MGAT4C: variants seen among roughly 807,000 people sequenced by gnomAD.
MGAT4C encodes the protein MGAT4 family member C, also known as alpha-1,3-mannosyl-glycoprotein 4-beta-N-acetylglucosaminyltransferase C.
In MGAT4C, 19 loss-of-function variants were observed where a neutral mutation model predicts 40.1. That is an observed-to-expected ratio of 0.47 (90% CI 0.33 to 0.70). The LOEUF (loss-of-function observed/expected upper bound fraction) is 0.70. MGAT4C is among the 30% of genes least tolerant of loss of function. MGAT4C has a pLI of 0.02. For missense variants in MGAT4C, 491 were observed against 563.2 expected (o/e 0.87, Z 1.30); for synonymous variants, 181 against 187.1 (o/e 0.97, Z 0.27).
chr12:86,316,528 G>A lies in MGAT4C; in HGVS notation c.-57+17537C>T, dbSNP rs538695732. 3.3e-5 allele frequency among the ~76,000 whole-genome samples: 5 copies of A among 152,232 alleles called. No homozygotes were observed. The South Asian group carries it at 1.0e-3, about 32-fold the overall frequency. On this transcript the variant is annotated intron_variant, in intron 4 of 7. Coordinates refer to the MGAT4C transcript ENST00000548651. ...GGTACACATACACCATGGGACACTA[G>A]GCAGCCATAGGAAAGAATGAGATCA...
intron 1 of MGAT4C, among the ~76,000 whole-genome samples, chr12:86,238,123 C>CA (rs570072895): frequency 1.3e-5 from 2 of 151,114 alleles, no homozygotes; most frequent in South Asian, 2.1e-4. Flanking sequence ...ATTAGGAAGT[C>CA]AAAAAAAATG....
intron 2 of MGAT4C, among the ~76,000 whole-genome samples, chr12:85,998,577 C>T (rs961048328): frequency 6.6e-6 from 1 of 152,182 alleles, no homozygotes; most frequent in African/African-American, 2.4e-5. Flanking sequence ...ACTAGATACA[C>T]TAAATCATCT....
intron 1 of MGAT4C, among the ~76,000 whole-genome samples, chr12:86,756,135 A>C (rs1951300898): frequency 6.6e-6 from 1 of 152,148 alleles, no homozygotes; most frequent in African/African-American, 2.4e-5. Flanking sequence ...TTTATTTCTC[A>C]CAGTTCCAGA....
chr12:86,371,994 A>T (rs1955723974), intron 3 of MGAT4C, among the ~76,000 whole-genome samples: 1 of 151,876 alleles, frequency 6.6e-6, no homozygotes. Context: ...CTTCAAAGTT[A>T]ATGAAGATTT....
At chr12:86,143,146 G>T (rs1055253574) in intron 1 of MGAT4C, among the ~76,000 whole-genome samples, 2 of 152,172 alleles carry the variant, frequency 1.3e-5, no homozygotes, top group African/African-American at 4.8e-5. Flanking sequence ...AAGCCACCCA[G>T]TTTATGGTAT....
intron 2 of MGAT4C, among the ~76,000 whole-genome samples, chr12:86,664,364 C>T (rs1292849247): frequency 6.6e-6 from 1 of 151,564 alleles, no homozygotes; most frequent in Non-Finnish European, 1.5e-5. Context: ...TTTGAAAGCT[C>T]AAAAAAATGA....
intron 2 of MGAT4C, among the ~76,000 whole-genome samples, chr12:86,630,592 T>A (rs1462444892): frequency 1.3e-5 from 2 of 151,786 alleles, no homozygotes; most frequent in Non-Finnish European, 2.9e-5. Flanking sequence ...GCAAGGCTGG[T>A]TCAACATATG....
intron 2 of MGAT4C, among the ~76,000 whole-genome samples, chr12:86,512,530 AATTGTCC>A (rs1337514321): frequency 6.6e-6 from 1 of 152,106 alleles, no homozygotes; most frequent in Non-Finnish European, 1.5e-5. Flanking sequence ...GGAAATTTTT[AATTGTCC>A]ATTGATGTAT....
intron 2 of MGAT4C, among the ~76,000 whole-genome samples, chr12:86,047,911 A>T (rs2136958705): frequency 6.7e-6 from 1 of 149,026 alleles, no homozygotes; most frequent in Middle Eastern, 3.4e-3. Flanking sequence ...CATAAATAAC[A>T]TTTTATGTGT....
rs1190367332 is a variant in MGAT4C, at chr12:86,442,567, A to G, written c.-228-7302T>C. Among the ~76,000 whole-genome samples the G allele has an allele frequency of 2.6e-5, 4 of 152,204 alleles. No homozygotes were observed. The East Asian group carries it at 7.7e-4, about 29-fold the overall frequency. On this transcript the variant is annotated intron_variant, in intron 2 of 7. Transcript: ENST00000548651. The stretch of plus-strand genomic sequence containing the variant: ...CAGTTTCAGCTTTCTACATATGGCT[A>G]GCCAGTTTTCCCAGCACCATTTATT...
intron 1 of MGAT4C, among the ~76,000 whole-genome samples, chr12:86,083,293 C>T (rs1871180934): frequency 6.6e-6 from 1 of 152,104 alleles, no homozygotes; most frequent in African/African-American, 2.4e-5. Context: ...GCTGATCTCT[C>T]TGCCCCTGGA....
At chr12:86,728,080 A>T (rs1950852911) in intron 1 of MGAT4C, among the ~76,000 whole-genome samples, 1 of 152,214 alleles carries the variant, frequency 6.6e-6, no homozygotes, top group Admixed American at 6.5e-5. Context: ...AGTTAACTAT[A>T]TTTATAAAAT....
intron 2 of MGAT4C, among the ~76,000 whole-genome samples, chr12:86,040,723 A>C (rs1242407295): frequency 1.6e-5 from 2 of 121,232 alleles, no homozygotes; most frequent in African/African-American, 6.6e-5. Context: ...GAGAAAAAAC[A>C]AACAAACAAA....
At chr12:85,991,376 G>A (rs568910382) in intron 2 of MGAT4C, among the ~76,000 whole-genome samples, 2 of 152,272 alleles carry the variant, frequency 1.3e-5, no homozygotes, top group African/African-American at 2.4e-5. Context: ...GGCACCACAA[G>A]TTCCCAGTCT....
intron 2 of MGAT4C, among the ~76,000 whole-genome samples, chr12:86,477,502 C>T (rs1308539865): frequency 6.6e-6 from 1 of 152,010 alleles, no homozygotes; most frequent in Non-Finnish European, 1.5e-5. Flanking sequence ...TCATGCAATA[C>T]ACCCAGGTAA....
chr12:86,672,095 C>A (rs1009694390), intron 2 of MGAT4C, among the ~76,000 whole-genome samples: 1 of 151,892 alleles, frequency 6.6e-6, no homozygotes, highest in Non-Finnish European at 1.5e-5. Flanking sequence ...CTTCTCTGAC[C>A]ACAATGGAAC....
chr12:86,767,988 T>G (rs1388671462), intron 1 of MGAT4C, among the ~76,000 whole-genome samples: 1 of 152,166 alleles, frequency 6.6e-6, no homozygotes, highest in African/African-American at 2.4e-5. Flanking sequence ...ACCACTCCTA[T>G]TCAACATAGT....
At chr12:86,053,248 TG>T (rs1592790690) in intron 1 of MGAT4C, among the ~76,000 whole-genome samples, 1 of 13,708 alleles carries the variant, frequency 7.3e-5, no homozygotes, top group East Asian at 0.1. Context: ...TATTTGACTT[TG>T]TGTGTGTGTG....
chr12:86,166,809 TTAAA>T (rs552547124), intron 1 of MGAT4C, among the ~76,000 whole-genome samples: 88 of 152,140 alleles, frequency 5.8e-4, no homozygotes, highest in South Asian at 4.8e-3. Flanking sequence ...ACATAAAAAA[TTAAA>T]TAAAGCAAAA....
Sources: gnomAD v4.1 joint callset for allele counts (sites outside exome capture counted in the v4.1 genomes callset) on GRCh38, gnomAD v4.1.1 for gene constraint, MANE v1.5 for transcripts, NCBI Gene and HGNC (gene_info 2026-07-23, HGNC 2026-07-21) for gene names.